DYNC2I1: variants seen among roughly 807,000 people sequenced by gnomAD.
DYNC2I1 encodes cytoplasmic dynein 2 intermediate chain 1.
In DYNC2I1, 89 loss-of-function variants were observed where a neutral mutation model predicts 133.4. That is an observed-to-expected ratio of 0.67 (90% CI 0.56 to 0.80). The LOEUF (loss-of-function observed/expected upper bound fraction) is 0.80. DYNC2I1 is among the 30% of genes least tolerant of loss of function. The pLI, the probability that DYNC2I1 is intolerant of heterozygous loss-of-function variation, is 0.00. For missense variants in DYNC2I1, 1,291 were observed against 1,314.5 expected, an observed-to-expected ratio of 0.98 and a Z score of 0.28; for synonymous variants, 504 against 484.3, an observed-to-expected ratio of 1.04 and a Z score of -0.54.
At chr7:158,883,874 C>A (rs923806227) in intron 5 of DYNC2I1, among the ~76,000 whole-genome samples, 12 of 149,790 alleles carry the variant, frequency 8.0e-5, no homozygotes, top group African/African-American at 2.7e-4. Context: ...CCGTGTTAGC[C>A]AGGATGGTCT....
chr7:158,952,829 C>G (rs1246116077), intron 4 of DYNC2I1, among the ~76,000 whole-genome samples: 1 of 124,772 alleles, frequency 8.0e-6, no homozygotes, highest in Non-Finnish European at 1.9e-5. Context: ...TGGGCTCAGC[C>G]TGAGGGGACT....
Position 158,922,372 on chromosome 7 carries a change from C to G in DYNC2I1, c.1922-5C>G. 7 of 1,608,860 alleles carry G rather than the reference C, an allele frequency of 4.4e-6. No homozygotes were observed. The highest frequency in any genetic ancestry group is 5.9e-6 in the Non-Finnish European group (7 of 1,178,956). On this transcript the variant is annotated splice_region_variant and splice_polypyrimidine_tract_variant and intron_variant, in intron 15 of 24. Coordinates refer to ENST00000407559, the MANE Select transcript of DYNC2I1 (RefSeq NM_018051.5). ...GAAATGTGAACATATTTTTCTTCTCCCTAGATCGAAAAGTATCCTCCTTGC... is the reference window on the plus strand; with the variant it reads ...GAAATGTGAACATATTTTTCTTCTCGCTAGATCGAAAAGTATCCTCCTTGC...
chr7:158,921,519 TA>T (rs1849090574), intron 15 of DYNC2I1, among the ~76,000 whole-genome samples: 2 of 152,106 alleles, frequency 1.3e-5, no homozygotes, highest in African/African-American at 2.4e-5. Flanking sequence ...AAACAACTAT[TA>T]AATACGGCAG....
In DYNC2I1 at chr7:158,906,028, T is replaced by G. The variant is rs1441546224; in HGVS notation, c.1397T>G (p.Ile466Ser). The stretch of plus-strand genomic sequence containing the variant: ...CCTTCCAGAGCCTCTGTTTGTGGAA[T>G]TTTTGTGGATTTTGCCTCAGCTTCA... ...SSPSRASVCG[I>S]FVDFASASHR... Residue 466 changes from isoleucine (I) to serine (S), a missense_variant, in exon 11 of 25, where the codon ATT becomes AGT. By Grantham distance (142) the Ile-to-Ser change is moderately radical. Coordinates refer to ENST00000407559, the MANE Select transcript of DYNC2I1 (RefSeq NM_018051.5). The G allele has an allele frequency of 6.2e-7, 1 of 1,613,760 alleles. No individual in the cohort carries two copies. The highest frequency in any genetic ancestry group is 8.5e-7 in the Non-Finnish European group (1 of 1,179,846).
At chr7:158,910,536 CGGAG>C in intron 11 of DYNC2I1, among the ~76,000 whole-genome samples, 1 of 122,482 alleles carries the variant, frequency 8.2e-6, no homozygotes, top group Admixed American at 8.5e-5. Context: ...GGCTTGTGGG[CGGAG>C]CACGATTGGC....
At chr7:158,949,717 G>C (rs1241798131), downstream of DYNC2I1, among the ~76,000 whole-genome samples, 8 of 152,148 alleles carry the variant, frequency 5.3e-5, no homozygotes, top group Admixed American at 3.3e-4. Context: ...CGGGAGAATG[G>C]GGCAAAGCAA....
At chr7:158,843,418 G>C in the DYNC2I1 span, among the ~76,000 whole-genome samples, 1 of 151,984 alleles carries the variant, frequency 6.6e-6, no homozygotes, top group Non-Finnish European at 1.5e-5. Context: ...CCACCACAAC[G>C]CCTAATTTTT....
chr7:158,943,461 G>A (rs1851572740), intron 24 of DYNC2I1, among the ~76,000 whole-genome samples: 1 of 152,198 alleles, frequency 6.6e-6, no homozygotes, highest in Admixed American at 6.5e-5. Context: ...CAGATGATGA[G>A]GAAGAGGTCA....
chr7:158,919,986 G>A (rs1284328504), intron 15 of DYNC2I1, among the ~76,000 whole-genome samples: 2 of 151,352 alleles, frequency 1.3e-5, no homozygotes, highest in South Asian at 2.1e-4. Context: ...GTACTGCAGC[G>A]CTGTGGCCTC....
chr7:158,921,078 G>C (rs1375336583), intron 15 of DYNC2I1, among the ~76,000 whole-genome samples: 1 of 152,240 alleles, frequency 6.6e-6, no homozygotes, highest in Non-Finnish European at 1.5e-5. Flanking sequence ...CTGAACTTGT[G>C]TTTCGCTGGG....
intron 17 of DYNC2I1, among the ~76,000 whole-genome samples, chr7:158,925,388 GAT>G (rs1849510302): frequency 6.6e-6 from 1 of 151,940 alleles, no homozygotes; most frequent in African/African-American, 2.4e-5. Flanking sequence ...TTGTTGTTTT[GAT>G]ATGTTTCCAG....
At position 158,913,047 on chromosome 7, in the gene DYNC2I1, C is replaced by T; in HGVS notation, c.1653C>T (p.Thr551=). The T allele has an allele frequency of 6.2e-7, 1 of 1,613,438 alleles. No individual in the cohort carries two copies. Among genetic ancestry groups the T allele is most frequent in the Non-Finnish European group, 8.5e-7 (1 of 1,179,622 alleles). Residue 551 remains threonine, a synonymous_variant, in exon 13 of 25, where the codon ACC becomes ACT. Coordinates refer to ENST00000407559, the MANE Select transcript of DYNC2I1 (RefSeq NM_018051.5). ...ACATTCAAACGGAGGAAATAGAGAC[C>T]AGGGAAGTGTGGACCCAGCACCCGG... is the stretch of plus-strand genomic sequence containing the variant. ...ERDIQTEEIE[T]REVWTQHPGE... is the part of the protein sequence containing the mutation.
At chr7:158,927,484 A>G (rs1460869080) in intron 20 of DYNC2I1, among the ~76,000 whole-genome samples, 1 of 152,020 alleles carries the variant, frequency 6.6e-6, no homozygotes, top group African/African-American at 2.4e-5. Flanking sequence ...TTAAAGGTGT[A>G]TGTCATATAA....
chr7:158,933,273 A>G (rs533220150), intron 21 of DYNC2I1, among the ~76,000 whole-genome samples: 1 of 152,056 alleles, frequency 6.6e-6, no homozygotes, highest in African/African-American at 2.4e-5. Flanking sequence ...GGAAAGGAAA[A>G]TCTCTAAATG....
intron 6 of DYNC2I1, among the ~76,000 whole-genome samples, chr7:158,886,242 C>G (rs187358194): frequency 6.6e-6 from 1 of 151,998 alleles, no homozygotes; most frequent in African/African-American, 2.4e-5. Flanking sequence ...GCAAATTCCC[C>G]TGCCTCAGCC....
At chr7:158,908,740 C>G (rs1017808797) in intron 11 of DYNC2I1, among the ~76,000 whole-genome samples, 1 of 152,136 alleles carries the variant, frequency 6.6e-6, no homozygotes, top group South Asian at 2.1e-4. Context: ...TCCCCTGAGC[C>G]GGAGAGGCTG....
chr7:158,902,736 C>G (rs1040999861), intron 10 of DYNC2I1, 141 bp downstream of exon 10: 1 of 733,294 alleles, frequency 1.4e-6, no homozygotes. Flanking sequence ...GGTGCCATGC[C>G]CTTGCAGCTA....
At chr7:158,940,350 T>C (rs1365319162) in intron 23 of DYNC2I1, among the ~76,000 whole-genome samples, 1 of 152,138 alleles carries the variant, frequency 6.6e-6, no homozygotes, top group African/African-American at 2.4e-5. Context: ...CTGCCGCTGA[T>C]CTGACAGGAG....
At chr7:158,870,350 A>G (rs942382114) in intron 2 of DYNC2I1, among the ~76,000 whole-genome samples, 6 of 147,122 alleles carry the variant, frequency 4.1e-5, no homozygotes, top group African/African-American at 1.5e-4. Flanking sequence ...TTTTTAGTTA[A>G]TTAATTTTAC....
Sources: allele counts gnomAD v4.1 joint callset (sites outside exome capture counted in the v4.1 genomes callset), GRCh38; gene constraint gnomAD v4.1.1; transcripts MANE v1.5; gene names NCBI Gene and HGNC (gene_info 2026-07-23, HGNC 2026-07-21).